GRK2: variants seen among roughly 807,000 people sequenced by gnomAD.
The protein encoded by GRK2 is adrenergic beta receptor kinase 1.
Under a neutral mutation model 97.8 loss-of-function variants are expected in GRK2, and 23 were observed. The ratio of observed to expected loss-of-function variants is 0.24; its 90% CI spans 0.17 to 0.33. The LOEUF (loss-of-function observed/expected upper bound fraction) is 0.33, where lower values mean the gene tolerates loss of function less well. Among genes scored for constraint, GRK2 ranks in the 10% least tolerant of loss-of-function variants. The pLI is 1.00. For synonymous variants in GRK2, 425 were observed against 381.7 expected (o/e 1.11, Z -1.32); for missense variants, 633 against 956.9 (o/e 0.66, Z 4.47).
At position 67,269,356 on chromosome 11, in the gene GRK2, G is replaced by A. The variant is rs1859861822; in HGVS notation, c.113+2544G>A. 6.6e-6 allele frequency among the ~76,000 whole-genome samples: 1 copy of A among 152,198 alleles called. No homozygotes were observed. Among genetic ancestry groups the A allele is most frequent in the African/African-American group, 2.4e-5 (1 of 41,440 alleles). ...TTGAAGTTATTGAGGCTCAGGGAGG[G>A]GAGGAGTCGTGTCCTCGTCACAGAA... is the stretch of plus-strand genomic sequence containing the variant. On this transcript the variant is annotated intron_variant, in intron 1 of 20. Transcript: ENST00000308595. This position sits in a 1 kb window ranked among gnomAD's most constrained non-coding sequence, Gnocchi z 4.1.
At chr11:67,283,459 T>TGATGGG in intron 15 of GRK2, 2 of 610,158 alleles carry the variant, frequency 3.3e-6, no homozygotes, top group South Asian at 3.9e-5. Context: ...TCACAGATGA[T>TGATGGG]GATGATAGCA....
chr11:67,274,047 C>T (rs976527888), intron 1 of GRK2, among the ~76,000 whole-genome samples: 20 of 143,774 alleles, frequency 1.4e-4, no homozygotes, highest in African/African-American at 5.2e-4. Flanking sequence ...GAGTCTCACT[C>T]TGTCACCCAG....
At chr11:67,283,042 G>A in intron 14 of GRK2, 86 bp from the exon 15 acceptor site, 1 of 1,387,558 alleles carries the variant, frequency 7.2e-7, no homozygotes, top group Admixed American at 1.7e-5. Flanking sequence ...TCCCTCTGCG[G>A]GGGCCTGGAC....
chr11:67,279,068 T>C (rs912729902), intron 2 of GRK2, 132 bp from the exon 3 acceptor site: 9 of 746,280 alleles, frequency 1.2e-5, no homozygotes, highest in Non-Finnish European at 1.4e-5. Flanking sequence ...GCCCACCCCT[T>C]GCCTGGGGCC....
chr11:67,284,589 A>C (rs1860229470), intron 18 of GRK2: 2 of 708,222 alleles, frequency 2.8e-6, no homozygotes, highest in African/African-American at 3.6e-5. Context: ...GTTTGAGACC[A>C]GCCTGGCCAA....
chr11:67,286,527 CTA>C lies in GRK2; in HGVS notation c.*1079_*1080del, dbSNP rs1362768943. On this transcript the variant is annotated 3_prime_UTR_variant, in exon 21 of 21. Coordinates refer to ENST00000308595, the MANE Select transcript of GRK2 (RefSeq NM_001619.5). Reference sequence around the variant, plus strand: ...TGATTTTAAAGAGTGAAAAATGAGACTATGCGTTTTTATAAAAAATGGTGCCT... The same window carrying C: ...TGATTTTAAAGAGTGAAAAATGAGACTGCGTTTTTATAAAAAATGGTGCCT... 8.6e-6 allele frequency: 6 copies of C among 701,704 alleles called. No individual in the cohort carries two copies. In the Admixed American group the frequency reaches 1.2e-4, roughly 14 times the overall value. The allele number at this position is 701,704 out of a possible 1,614,324, so 43.5% of individuals were successfully genotyped here.
intron 1 of GRK2, among the ~76,000 whole-genome samples, chr11:67,270,642 C>T (rs560946232): frequency 2.6e-5 from 4 of 152,342 alleles, no homozygotes; most frequent in African/African-American, 9.6e-5. Context: ...TCAGTGGCAG[C>T]GTTCTCCCAA....
intron 1 of GRK2, among the ~76,000 whole-genome samples, chr11:67,270,719 G>A (rs981539685): frequency 2.0e-5 from 3 of 152,298 alleles, no homozygotes; most frequent in African/African-American, 7.2e-5. Context: ...AAGCACCGCC[G>A]TTCCCCAGGA....
rs1367955134 is a variant in GRK2, at chr11:67,266,591, C to A, written c.-109C>A. The A allele has an allele frequency of 2.6e-5, 6 of 231,968 alleles. No homozygotes were observed. Among genetic ancestry groups the A allele is most frequent in the Non-Finnish European group, 4.0e-5 (6 of 148,170 alleles). The allele number at this position is 231,968 out of a possible 1,614,324, so 14.4% of individuals were successfully genotyped here. On this transcript the variant is annotated 5_prime_UTR_variant, in exon 1 of 21. Coordinates refer to ENST00000308595, the MANE Select transcript of GRK2 (RefSeq NM_001619.5). ...GCGCCGAGCAGGGCCAGGCGGGAGG[C>A]GTCGGCGCCCGAGGCCGAGCGAGCC... is the stretch of plus-strand genomic sequence containing the variant.
Position 67,282,691 on chromosome 11 carries a change from T to C in GRK2, c.1161-61T>C. 1 of 1,597,256 alleles carries C rather than the reference T, an allele frequency of 6.3e-7. No individual in the cohort carries two copies. Among genetic ancestry groups the C allele is most frequent in the African/African-American group, 1.3e-5 (1 of 74,750 alleles). ...GACTTTGGCCACAGCTCATCCATGC[T>C]GCCTGCCTCCCTTTCCCCATTCCTG... On this transcript the variant is annotated intron_variant, in intron 13 of 20. Transcript: ENST00000308595. This position sits in a 1 kb window ranked among gnomAD's most constrained non-coding sequence, Gnocchi z 6.9.
chr11:67,279,515 C>T lies in GRK2; in HGVS notation c.362C>T (p.Ser121Leu), dbSNP rs753803100. The T allele has an allele frequency of 1.9e-5, 30 of 1,612,948 alleles. No individual in the cohort carries two copies. The highest frequency in any genetic ancestry group is 2.2e-5 in the South Asian group (2 of 91,066). ...SYIMKELLACSHPFSKSATEH... is the reference protein window; with the variant it reads ...SYIMKELLACLHPFSKSATEH... ...ATCATGAAGGAGCTGCTGGCCTGCT[C>T]GCATGTGAGTGTCCTCAGCTGGCCC... is the stretch of plus-strand genomic sequence containing the variant. Residue 121 changes from serine (S) to leucine (L), a missense_variant, in exon 4 of 21, where the codon TCG (serine) becomes TTG (leucine). This residue lies in a region of GRK2 where 193 missense variants were observed against 212.2 expected (regional missense o/e 0.91). Coordinates refer to ENST00000308595, the MANE Select transcript of GRK2 (RefSeq NM_001619.5).
chr11:67,277,099 C>T (rs1418617867), intron 1 of GRK2, 173 bp from the exon 2 acceptor site: 3 of 565,924 alleles, frequency 5.3e-6, no homozygotes, highest in Non-Finnish European at 9.3e-6. Flanking sequence ...CAAAGGCTTC[C>T]TTGAAGCCTT....
intron 5 of GRK2, 23 bp from the exon 6 acceptor site, chr11:67,279,816 C>A (rs780670413): frequency 1.2e-6 from 2 of 1,613,862 alleles, no homozygotes; most frequent in Non-Finnish European, 1.7e-6. Flanking sequence ...GCTCAGTCAC[C>A]AACTTCCAGC....
In GRK2 at chr11:67,266,693, C is replaced by T; in HGVS notation, c.-7C>T. 3.3e-6 allele frequency: 4 copies of T among 1,215,492 alleles called. No homozygotes were observed. The highest frequency in any genetic ancestry group is 4.1e-6 in the Non-Finnish European group (4 of 965,860). 75.3% of individuals were successfully genotyped at this position (1,215,492 alleles called of 1,614,324 possible). A position where few individuals can be genotyped will look rare whatever the true frequency, so the allele number is the denominator to read the frequency against. On this transcript the variant is annotated 5_prime_UTR_variant, in exon 1 of 21. Coordinates refer to ENST00000308595, the MANE Select transcript of GRK2 (RefSeq NM_001619.5). ...CGGCGGCGGGAGGAGGCAGCGCCGCCGCCAAGATGGCGGACCTGGAGGCGG... is the reference window on the plus strand; with the variant it reads ...CGGCGGCGGGAGGAGGCAGCGCCGCTGCCAAGATGGCGGACCTGGAGGCGG...
intron 2 of GRK2, among the ~76,000 whole-genome samples, chr11:67,277,648 C>G (rs965754429): frequency 1.3e-5 from 2 of 152,206 alleles, no homozygotes. Flanking sequence ...TTGGCGCGGC[C>G]GCAGCTGCTC....
chr11:67,280,877 G>T, intron 7 of GRK2, 94 bp downstream of exon 7: 1 of 1,442,808 alleles, frequency 6.9e-7, no homozygotes, highest in South Asian at 1.1e-5. Context: ...GGGGAGGTCA[G>T]GGGATGTCTG....
chr11:67,271,849 G>A (rs941305094), intron 1 of GRK2, among the ~76,000 whole-genome samples: 4 of 152,216 alleles, frequency 2.6e-5, no homozygotes, highest in African/African-American at 9.7e-5. Context: ...GAAACATTAA[G>A]AAGCCCCAGG....
rs1860033689 is a variant in GRK2, at chr11:67,276,652, T to C, written c.114-620T>C. 6.6e-6 allele frequency: 1 copy of C among 152,240 alleles called. No homozygotes were observed. Among genetic ancestry groups the C allele is most frequent in the Non-Finnish European group, 1.5e-5 (1 of 68,048 alleles). The allele number at this position is 152,240 out of a possible 1,614,324, so 9.4% of individuals were successfully genotyped here. A position where few individuals can be genotyped will look rare whatever the true frequency, so the allele number is the denominator to read the frequency against. ...AGTGTTTTTTAGTACATTGACCGTGTTGTGCAACCCTTACCCCAAAAAGAA... is the reference window on the plus strand; with the variant it reads ...AGTGTTTTTTAGTACATTGACCGTGCTGTGCAACCCTTACCCCAAAAAGAA... On this transcript the variant is annotated intron_variant, in intron 1 of 20. Coordinates refer to ENST00000308595, the MANE Select transcript of GRK2 (RefSeq NM_001619.5). This position sits in a 1 kb window ranked among gnomAD's most constrained non-coding sequence, Gnocchi z 4.2.
intron 2 of GRK2, among the ~76,000 whole-genome samples, chr11:67,278,754 C>T (rs747440445): frequency 2.0e-5 from 3 of 152,208 alleles, no homozygotes; most frequent in Non-Finnish European, 4.4e-5. Flanking sequence ...GACCTGGCCC[C>T]GGTGGCCACA....
Sources: gnomAD v4.1 joint callset for allele counts (sites outside exome capture counted in the v4.1 genomes callset) on GRCh38, gnomAD v4.1.1 for gene constraint, gnomAD v4.1.1 regional missense constraint, Gnocchi (gnomAD v3.1) non-coding constraint, MANE v1.5 for transcripts, NCBI Gene and HGNC (gene_info 2026-07-23, HGNC 2026-07-21) for gene names.